The following SLC30A10 variants were observed in gnomAD, a reference collection of about 807,000 sequenced individuals.
The protein encoded by SLC30A10 is solute carrier family 30 member 10.
Under a neutral mutation model 21.7 loss-of-function variants are expected in SLC30A10, and 8 were observed. The ratio of observed to expected loss-of-function variants is 0.37; its 90% CI spans 0.22 to 0.67. The LOEUF (loss-of-function observed/expected upper bound fraction) is 0.67, where lower values mean the gene tolerates loss of function less well. Among genes scored for constraint, SLC30A10 ranks in the 30% least tolerant of loss-of-function variants. The pLI, the probability that SLC30A10 is intolerant of heterozygous loss-of-function variation, is 0.58. For missense variants in SLC30A10, 521 were observed against 642.5 expected (o/e 0.81, Z 2.04); for synonymous variants, 272 against 279.4 (o/e 0.97, Z 0.26).
At chr1:219,927,188 T>C (rs756737706) in intron 1 of SLC30A10, 83 bp from the exon 2 acceptor site, 28 of 1,449,590 alleles carry the variant, frequency 1.9e-5, no homozygotes, top group Admixed American at 3.6e-5. Flanking sequence ...AATAAAGTTT[T>C]GTTATTTTAA....
At chr1:219,946,523 C>T (rs1225383573) in intron 1 of SLC30A10, among the ~76,000 whole-genome samples, 1 of 152,084 alleles carries the variant, frequency 6.6e-6, no homozygotes, top group South Asian at 2.1e-4. Flanking sequence ...TTCCATGAGA[C>T]GACCACCAGT....
intron 2 of SLC30A10, among the ~76,000 whole-genome samples, chr1:219,923,609 A>C (rs1012090063): frequency 1.3e-5 from 2 of 152,258 alleles, no homozygotes; most frequent in Non-Finnish European, 2.9e-5. Context: ...AACTTTAAAA[A>C]GCTAATTGTC....
intron 1 of SLC30A10, among the ~76,000 whole-genome samples, chr1:219,940,870 G>C (rs1240272986): frequency 6.6e-6 from 1 of 152,196 alleles, no homozygotes; most frequent in Non-Finnish European, 1.5e-5. Flanking sequence ...ACTCAGAGAG[G>C]TGAGGGTTGA....
At chr1:219,927,675 C>CAAAAAAA in intron 1 of SLC30A10, 126 bp downstream of exon 1, 2 of 402,942 alleles carry the variant, frequency 5.0e-6, no homozygotes, top group Non-Finnish European at 6.8e-6. Context: ...AAAACAACAA[C>CAAAAAAA]AACAAAAAAA....
intron 1 of SLC30A10, among the ~76,000 whole-genome samples, chr1:219,957,315 G>A (rs12741770): frequency 0.072 from 11,005 of 152,088 alleles, 415 homozygotes; most frequent in Non-Finnish European, 0.085. Context: ...ATAAAGGACC[G>A]GCTCCAACTG....
intron 2 of SLC30A10, among the ~76,000 whole-genome samples, chr1:219,922,041 A>G (rs575057483): frequency 6.6e-6 from 1 of 150,930 alleles, no homozygotes; most frequent in East Asian, 2.0e-4. Context: ...CCAACTTCGA[A>G]CTCTTGGGCT....
chr1:219,951,676 G>A (rs1324605276), intron 1 of SLC30A10, among the ~76,000 whole-genome samples: 3 of 151,206 alleles, frequency 2.0e-5, no homozygotes, highest in Non-Finnish European at 2.9e-5. Flanking sequence ...AGCCAAGATC[G>A]CGCCACTGCA....
intron 1 of SLC30A10, among the ~76,000 whole-genome samples, chr1:219,956,183 T>A (rs1411678607): frequency 2.0e-5 from 3 of 152,160 alleles, no homozygotes; most frequent in Non-Finnish European, 1.5e-5. Context: ...TTTTTCTTCT[T>A]TTTTAGTGAC....
At chr1:219,930,858 G>C (rs1043368852), upstream of SLC30A10, among the ~76,000 whole-genome samples, 6 of 152,210 alleles carry the variant, frequency 3.9e-5, no homozygotes, top group Admixed American at 3.9e-4. Flanking sequence ...GCTTAAAATA[G>C]TGCCTGGTAC....
intron 1 of SLC30A10, among the ~76,000 whole-genome samples, chr1:219,940,078 G>A (rs1660101001): frequency 6.6e-6 from 1 of 152,184 alleles, no homozygotes; most frequent in Non-Finnish European, 1.5e-5. Flanking sequence ...CTATGTGCTT[G>A]ACACTCCTTC....
At position 219,915,634 on chromosome 1, in the gene SLC30A10, C is replaced by T. The variant is rs1477051137; in HGVS notation, c.1273G>A (p.Val425Ile). The T allele has an allele frequency of 6.2e-7, 1 of 1,614,100 alleles. No homozygotes were observed. The highest frequency in any genetic ancestry group is 1.7e-5 in the Admixed American group (1 of 60,002). Residue 425 changes from valine (V) to isoleucine (I), a missense_variant, in exon 4 of 4, where the codon GTC becomes ATC. Val to Ile is a conservative substitution (Grantham distance 29). Coordinates refer to ENST00000366926, the MANE Select transcript of SLC30A10 (RefSeq NM_018713.3). Reference sequence around the variant, plus strand: ...CCATTGTGCTCAGCACAGCCATTGACGTGAGCCAGAGGCAGTGCCCCGGGG... The same window carrying T: ...CCATTGTGCTCAGCACAGCCATTGATGTGAGCCAGAGGCAGTGCCCCGGGG... ...CPPGALPLAH[V>I]NGCAEHNGGP...
intron 3 of SLC30A10, among the ~76,000 whole-genome samples, chr1:219,917,466 C>T (rs1396586162): frequency 6.6e-6 from 1 of 152,132 alleles, no homozygotes; most frequent in Non-Finnish European, 1.5e-5. Context: ...TTCCCTCTCC[C>T]ACCACCTGCT....
chr1:219,928,699 C>T, upstream of SLC30A10: 1 of 415,006 alleles, frequency 2.4e-6, no homozygotes, highest in Non-Finnish European at 4.2e-6. The surrounding 1 kb of genome is among the most constrained non-coding windows in gnomAD (Gnocchi z 6.3). Context: ...TCCCCTCCCT[C>T]GCGGCCTGGG....
chr1:219,918,399 G>A lies in SLC30A10; in HGVS notation c.814C>T (p.Pro272Ser). 1.9e-6 allele frequency: 3 copies of A among 1,614,000 alleles called. No homozygotes were observed. Among genetic ancestry groups the A allele is most frequent in the Non-Finnish European group, 2.5e-6 (3 of 1,180,014 alleles). The stretch of plus-strand genomic sequence containing the variant: ...TCAATGTAACACTGCCAGTTACACG[G>A]GTCCTCACTCTTCAGGGGAAGCACA... ...FYVLPLKSED[P>S]CNWQCYIDPS... The change falls in exon 3 of 4, where the codon CCG becomes TCG. Residue 272 changes from proline to serine, a missense_variant. Transcript: ENST00000366926. The surrounding 1 kb of genome is among the most constrained non-coding windows in gnomAD (Gnocchi z 4.4).
At chr1:219,938,114 T>G (rs10495141) in intron 1 of SLC30A10, among the ~76,000 whole-genome samples, 4 of 152,152 alleles carry the variant, frequency 2.6e-5, no homozygotes, top group African/African-American at 7.2e-5. Flanking sequence ...CCATGTTGGA[T>G]CTTTGCTGAT....
chr1:219,917,087 C>T (rs1659562307), intron 3 of SLC30A10, among the ~76,000 whole-genome samples: 1 of 151,158 alleles, frequency 6.6e-6, no homozygotes, highest in South Asian at 2.1e-4. Flanking sequence ...CCTCCCACCT[C>T]AGCCTACTGA....
At chr1:219,942,123 TG>T (rs1660131276) in intron 1 of SLC30A10, among the ~76,000 whole-genome samples, 1 of 152,240 alleles carries the variant, frequency 6.6e-6, no homozygotes, top group Non-Finnish European at 1.5e-5. Context: ...GTTCTAGCTC[TG>T]GGATAAGGTT....
chr1:219,926,773 CAATATT>C (rs1659836469), intron 2 of SLC30A10, among the ~76,000 whole-genome samples: 1 of 152,100 alleles, frequency 6.6e-6, no homozygotes, highest in African/African-American at 2.4e-5. Flanking sequence ...AGTAGTAACA[CAATATT>C]AATATGTGCA....
At chr1:219,956,539 C>T (rs1043918116) in intron 1 of SLC30A10, among the ~76,000 whole-genome samples, 30 of 151,938 alleles carry the variant, frequency 2.0e-4, no homozygotes, top group African/African-American at 7.3e-4. Flanking sequence ...CTGGACCAGA[C>T]ACTGGGGCAC....
Sources: allele counts gnomAD v4.1 joint callset (sites outside exome capture counted in the v4.1 genomes callset), GRCh38; gene constraint gnomAD v4.1.1; non-coding constraint Gnocchi (gnomAD v3.1); transcripts MANE v1.5; gene names NCBI Gene and HGNC (gene_info 2026-07-23, HGNC 2026-07-21).